The following HERPUD2 variants were observed in gnomAD, a reference collection of about 807,000 sequenced individuals.
The protein encoded by HERPUD2 is homocysteine-responsive endoplasmic reticulum-resident ubiquitin-like domain member 2 protein.
Under a neutral mutation model 49.9 loss-of-function variants are expected in HERPUD2, and 13 were observed. The observed-to-expected ratio is 0.26, with a 90% CI of 0.17 to 0.41. HERPUD2 has a LOEUF of 0.41. HERPUD2 is among the 10% of genes least tolerant of loss of function. The pLI, the probability that HERPUD2 is intolerant of heterozygous loss-of-function variation, is 1.00. For missense variants in HERPUD2, 449 were observed against 492.2 expected (o/e 0.91, Z 0.83); for synonymous variants, 172 against 171.4 (o/e 1.00, Z -0.03).
rs57781527 is a variant in HERPUD2, at chr7:35,657,368, G to C, written c.494+10066C>G. 5.4e-3 allele frequency among the ~76,000 whole-genome samples: 818 copies of C among 152,116 alleles called. 6 individuals are homozygous for C. Among genetic ancestry groups the C allele is most frequent in the African/African-American group, 0.019 (786 of 41,506 alleles). ...AAAAGACAAAAAAACAATAGATACT[G>C]GCTAGGATGGGGAGAAAAGGGACCT... On this transcript the variant is annotated intron_variant, in intron 5 of 8. Coordinates refer to ENST00000311350, the MANE Select transcript of HERPUD2 (RefSeq NM_022373.5).
intron 2 of HERPUD2, among the ~76,000 whole-genome samples, chr7:35,686,466 C>T (rs1450422815): frequency 0.11 from 18 of 160 alleles, no homozygotes; most frequent in African/African-American, 0.38. Context: ...GGATTACAGG[C>T]GTCAGCGCAG....
At position 35,694,213 on chromosome 7, in the gene HERPUD2, G is replaced by A. The variant is rs1786263223; in HGVS notation, c.118C>T (p.His40Tyr). ...LNWTVGKLKT[H>Y]LSNVYPSKPL... ...TTGCTAGGGTAAACGTTAGATAGAT[G>A]CGTTTTTAGTTTCCCCACGGTCCAG... The change falls in exon 2 of 9, where the codon CAT (histidine) becomes TAT (tyrosine). Residue 40 changes from histidine to tyrosine, a missense_variant. Physicochemically the swap from His to Tyr is moderately conservative, Grantham distance 83 (BLOSUM62 2). Transcript: ENST00000311350. 1 of 1,613,964 alleles carries A rather than the reference G, an allele frequency of 6.2e-7. No homozygotes were observed. Among genetic ancestry groups the A allele is most frequent in the Admixed American group, 1.7e-5 (1 of 60,004 alleles).
At chr7:35,682,268 TAG>T (rs1232657249) in intron 2 of HERPUD2, among the ~76,000 whole-genome samples, 1 of 60,214 alleles carries the variant, frequency 1.7e-5, no homozygotes, top group Non-Finnish European at 3.5e-5. Flanking sequence ...TGTGTATATA[TAG>T]ATATATACAC....
chr7:35,644,756 G>GGCTCT (rs1355487112), intron 5 of HERPUD2, among the ~76,000 whole-genome samples: 1 of 152,110 alleles, frequency 6.6e-6, no homozygotes, highest in East Asian at 1.9e-4. Flanking sequence ...GAAACAGTGA[G>GGCTCT]GCTCTGTCTC....
chr7:35,669,522 G>A (rs918839842), intron 4 of HERPUD2, among the ~76,000 whole-genome samples: 3 of 152,182 alleles, frequency 2.0e-5, no homozygotes, highest in African/African-American at 7.2e-5. Flanking sequence ...CTGCAAAGGT[G>A]TCATAGAAAG....
intron 6 of HERPUD2, among the ~76,000 whole-genome samples, chr7:35,637,531 C>G (rs1784891085): frequency 6.6e-6 from 1 of 152,150 alleles, no homozygotes; most frequent in Non-Finnish European, 1.5e-5. Flanking sequence ...GGTAAAGGCT[C>G]ATTCCCCTAT....
At chr7:35,664,471 A>G (rs565746701) in intron 5 of HERPUD2, among the ~76,000 whole-genome samples, 2 of 152,316 alleles carry the variant, frequency 1.3e-5, no homozygotes, top group Non-Finnish European at 2.9e-5. Flanking sequence ...CCTGGATGAT[A>G]TCCTGAAGAG....
chr7:35,686,743 A>C (rs868240906), intron 2 of HERPUD2, among the ~76,000 whole-genome samples: 6 of 113,272 alleles, frequency 5.3e-5, no homozygotes, highest in African/African-American at 2.3e-4. Flanking sequence ...AAAAAAAAAA[A>C]AACCAAACCC....
chr7:35,639,058 T>G (rs1383124350), intron 5 of HERPUD2, among the ~76,000 whole-genome samples: 2 of 151,816 alleles, frequency 1.3e-5, no homozygotes, highest in Admixed American at 1.3e-4. Flanking sequence ...AGACGGAATC[T>G]CGCTCTTTCG....
intron 5 of HERPUD2, among the ~76,000 whole-genome samples, chr7:35,640,867 A>G (rs1471587772): frequency 6.6e-6 from 1 of 152,200 alleles, no homozygotes; most frequent in Non-Finnish European, 1.5e-5. Context: ...ATCTGTGGGG[A>G]AAAGGAGTTT....
At chr7:35,677,666 T>C (rs1785795835) in intron 2 of HERPUD2, among the ~76,000 whole-genome samples, 1 of 152,242 alleles carries the variant, frequency 6.6e-6, no homozygotes, top group Non-Finnish European at 1.5e-5. Context: ...TCCTTTTGGT[T>C]TGTTTTATTC....
chr7:35,665,212 A>C (rs1167131555), intron 5 of HERPUD2, among the ~76,000 whole-genome samples: 1 of 152,166 alleles, frequency 6.6e-6, no homozygotes, highest in East Asian at 1.9e-4. Flanking sequence ...CCCTGCCCCT[A>C]GAGGTGGAGT....
At chr7:35,650,242 AAAG>A (rs1193230347) in intron 5 of HERPUD2, among the ~76,000 whole-genome samples, 4 of 152,142 alleles carry the variant, frequency 2.6e-5, no homozygotes, top group South Asian at 4.1e-4. Context: ...CACCTACGGC[AAAG>A]AAGGAGAGGG....
Position 35,689,611 on chromosome 7 carries a change from T to C in HERPUD2, c.147+4573A>G, listed in dbSNP as rs539183947. ...AGTGTTATAATCTCACAACAGAACC[T>C]ATATATACAATTGGTTCTATTCTTG... On this transcript the variant is annotated intron_variant, in intron 2 of 8. Transcript: ENST00000311350. 7.5e-4 allele frequency among the ~76,000 whole-genome samples: 115 copies of C among 152,326 alleles called. 1 individual carries two copies. The highest frequency in any genetic ancestry group is 1.3e-3 in the Non-Finnish European group (91 of 68,030).
intron 2 of HERPUD2, among the ~76,000 whole-genome samples, chr7:35,683,731 C>A (rs1785966836): frequency 6.6e-6 from 1 of 152,004 alleles, no homozygotes; most frequent in Admixed American, 6.6e-5. Context: ...AAAAAAAAAT[C>A]CCATCAAAAA....
intron 2 of HERPUD2, among the ~76,000 whole-genome samples, chr7:35,680,941 T>G (rs1390387449): frequency 6.9e-6 from 1 of 145,508 alleles, no homozygotes; most frequent in African/African-American, 2.5e-5. Context: ...ATCTGCTAAA[T>G]GAGGTGTTAT....
chr7:35,650,473 C>T (rs1785140627), intron 5 of HERPUD2, among the ~76,000 whole-genome samples: 1 of 152,086 alleles, frequency 6.6e-6, no homozygotes. Context: ...TCCCACACAC[C>T]TCCTAATTCC....
chr7:35,642,647 C>A (rs1310888202), intron 5 of HERPUD2, among the ~76,000 whole-genome samples: 1 of 152,168 alleles, frequency 6.6e-6, no homozygotes, highest in Non-Finnish European at 1.5e-5. Context: ...GAGATCATGT[C>A]TTTTGCGGGA....
chr7:35,633,612 A>G lies in HERPUD2; in HGVS notation c.*78T>C. 20 of 1,311,056 alleles carry G rather than the reference A, an allele frequency of 1.5e-5. No homozygotes were observed. The highest frequency in any genetic ancestry group is 2.1e-5 in the Non-Finnish European group (20 of 949,836). The allele number at this position is 1,311,056 out of a possible 1,614,324, so 81.2% of individuals were successfully genotyped here. The stretch of plus-strand genomic sequence containing the variant: ...CATGATGATCAAAAGAAAGTTATAA[A>G]TTTTTTTGAAATTGCACTGTTATTT... On this transcript the variant is annotated 3_prime_UTR_variant, in exon 9 of 9. Coordinates refer to ENST00000311350, the MANE Select transcript of HERPUD2 (RefSeq NM_022373.5).
Sources: gnomAD v4.1 joint callset for allele counts (sites outside exome capture counted in the v4.1 genomes callset) on GRCh38, gnomAD v4.1.1 for gene constraint, MANE v1.5 for transcripts, NCBI Gene and HGNC (gene_info 2026-07-23, HGNC 2026-07-21) for gene names.